The following NPR3 variants were observed in gnomAD, a reference collection of about 807,000 sequenced individuals.
NPR3 encodes natriuretic peptide receptor 3, also known as atrial natriuretic peptide receptor 3.
NPR3 carries 34 observed loss-of-function variants against 54.5 expected under a neutral mutation model. The observed-to-expected ratio is 0.62, with a 90% CI of 0.47 to 0.83. The LOEUF is 0.83. Among genes scored for constraint, NPR3 ranks in the 40% least tolerant of loss-of-function variants. The probability of loss-of-function intolerance (pLI) is 0.00; values close to 1 mark genes in which losing one functional copy is unlikely to be tolerated. For synonymous variants in NPR3, 289 were observed against 297.1 expected, an observed-to-expected ratio of 0.97 and a Z score of 0.28; for missense variants, 674 against 720.8, an observed-to-expected ratio of 0.94 and a Z score of 0.74.
chr5:32,719,855 T>A (rs1052842808), intron 1 of NPR3, among the ~76,000 whole-genome samples: 21 of 151,664 alleles, frequency 1.4e-4, no homozygotes, highest in African/African-American at 4.8e-4. Flanking sequence ...TACTGTTGAG[T>A]TTTTCATTTT....
upstream of NPR3, chr5:32,710,446 C>G (rs1024521490): frequency 1.2e-5 from 5 of 404,272 alleles, no homozygotes; most frequent in Non-Finnish European, 1.7e-5. Flanking sequence ...TGTGACACCT[C>G]CAGAAGTTGA....
intron 1 of NPR3, among the ~76,000 whole-genome samples, chr5:32,716,057 G>T (rs559748120): frequency 2.0e-5 from 3 of 152,224 alleles, no homozygotes; most frequent in Non-Finnish European, 4.4e-5. Context: ...TTTGTAGGCT[G>T]CACTGTGGAA....
chr5:32,742,591 T>C (rs1044967883), intron 3 of NPR3, among the ~76,000 whole-genome samples: 11 of 152,124 alleles, frequency 7.2e-5, no homozygotes, highest in Admixed American at 4.6e-4. Context: ...TGGCCTTGGG[T>C]GGGATCCCAA....
At chr5:32,767,836 G>A (rs1473938044) in intron 3 of NPR3, among the ~76,000 whole-genome samples, 1 of 152,132 alleles carries the variant, frequency 6.6e-6, no homozygotes, top group Non-Finnish European at 1.5e-5. Flanking sequence ...AAAGTTCAAG[G>A]GAAGCTGTCC....
chr5:32,765,400 T>A (rs535526170), intron 3 of NPR3, among the ~76,000 whole-genome samples: 3 of 152,334 alleles, frequency 2.0e-5, no homozygotes, highest in Non-Finnish European at 4.4e-5. Flanking sequence ...TGTGATTTCT[T>A]CCCCTAGCTT....
At position 32,791,470 on chromosome 5, in the gene NPR3, C is replaced by A. The variant is rs1742909422; in HGVS notation, c.*5125C>A. 1 of 167,088 alleles carries A rather than the reference C, an allele frequency of 6.0e-6. No homozygotes were observed. The highest frequency in any genetic ancestry group is 6.5e-5 in the Admixed American group (1 of 15,284). 10.4% of individuals were successfully genotyped at this position (167,088 alleles called of 1,614,324 possible). ...GTTTATTGTTCTAATGTACAACTAA[C>A]TATTTGCATATAATGTGATTTAATT... On this transcript the variant is annotated 3_prime_UTR_variant, in exon 8 of 8. Coordinates refer to ENST00000265074, the MANE Select transcript of NPR3 (RefSeq NM_001204375.2).
At chr5:32,758,196 C>A (rs1328045421) in intron 3 of NPR3, among the ~76,000 whole-genome samples, 1 of 152,150 alleles carries the variant, frequency 6.6e-6, no homozygotes, top group Non-Finnish European at 1.5e-5. Context: ...CCTCCTTGTA[C>A]CTCTGGTAGA....
intron 3 of NPR3, among the ~76,000 whole-genome samples, chr5:32,762,424 T>C (rs1332577786): frequency 6.6e-6 from 1 of 150,384 alleles, no homozygotes. Context: ...TGTAAAGGCA[T>C]TCCTATTTCT....
At chr5:32,765,476 G>A (rs1741403914) in intron 3 of NPR3, among the ~76,000 whole-genome samples, 1 of 152,212 alleles carries the variant, frequency 6.6e-6, no homozygotes, top group Admixed American at 6.5e-5. Context: ...CACGATGACA[G>A]TGGCAGGAAG....
At chr5:32,745,463 G>A (rs184180181) in intron 3 of NPR3, among the ~76,000 whole-genome samples, 3 of 152,310 alleles carry the variant, frequency 2.0e-5, no homozygotes, top group African/African-American at 2.4e-5. Flanking sequence ...CAATTCCAGA[G>A]CACTGGTATT....
chr5:32,768,115 C>T (rs1741572782), intron 3 of NPR3, among the ~76,000 whole-genome samples: 1 of 152,130 alleles, frequency 6.6e-6, no homozygotes, highest in African/African-American at 2.4e-5. Flanking sequence ...CTTTGCCTAC[C>T]TCAACTTCGT....
At chr5:32,725,622 T>C (rs1739100489) in intron 2 of NPR3, among the ~76,000 whole-genome samples, 1 of 152,150 alleles carries the variant, frequency 6.6e-6, no homozygotes, top group South Asian at 2.1e-4. Flanking sequence ...GAATTTTTAA[T>C]AGAATGGAAT....
At chr5:32,785,780 G>A (rs778807333) in intron 7 of NPR3, among the ~76,000 whole-genome samples, 5 of 152,202 alleles carry the variant, frequency 3.3e-5, no homozygotes, top group Non-Finnish European at 7.3e-5. Context: ...GTAATCTTTG[G>A]TGGTTGAGTT....
intron 1 of NPR3, among the ~76,000 whole-genome samples, chr5:32,721,732 T>C (rs1180120132): frequency 5.9e-5 from 9 of 152,144 alleles, no homozygotes; most frequent in Admixed American, 3.9e-4. Context: ...GTGGGGTATG[T>C]CTTAGTTTGT....
intron 1 of NPR3, among the ~76,000 whole-genome samples, chr5:32,717,469 C>T (rs1176485289): frequency 6.6e-6 from 1 of 152,198 alleles, no homozygotes; most frequent in African/African-American, 2.4e-5. Context: ...ACACTCCCAC[C>T]AACAGTGTAA....
intron 3 of NPR3, among the ~76,000 whole-genome samples, chr5:32,739,971 C>T (rs991007075): frequency 6.6e-6 from 1 of 152,178 alleles, no homozygotes; most frequent in Non-Finnish European, 1.5e-5. Context: ...GCCTCAAACT[C>T]CTGGGCTCAA....
chr5:32,723,848 C>T (rs1453287836), intron 1 of NPR3, among the ~76,000 whole-genome samples: 1 of 151,890 alleles, frequency 6.6e-6, no homozygotes, highest in African/African-American at 2.4e-5. Context: ...CTCTCCTCTT[C>T]TCCCCTCTTC....
chr5:32,736,864 A>T (rs1463100875), intron 2 of NPR3, among the ~76,000 whole-genome samples: 1 of 152,206 alleles, frequency 6.6e-6, no homozygotes, highest in African/African-American at 2.4e-5. Context: ...GCACAGATTT[A>T]GTTCCTAATG....
intron 3 of NPR3, among the ~76,000 whole-genome samples, chr5:32,774,218 T>C (rs1444477152): frequency 1.3e-5 from 2 of 152,194 alleles, no homozygotes; most frequent in Non-Finnish European, 2.9e-5. Context: ...TTTGTACCCA[T>C]AGCACCAGCA....
Sources: gnomAD v4.1 joint callset for allele counts (sites outside exome capture counted in the v4.1 genomes callset) on GRCh38, gnomAD v4.1.1 for gene constraint, MANE v1.5 for transcripts, NCBI Gene and HGNC (gene_info 2026-07-23, HGNC 2026-07-21) for gene names.